SAXO1: variants seen among roughly 807,000 people sequenced by gnomAD.
SAXO1 encodes the protein stabilizer of axonemal microtubules 1, also known as 4930500O09Rik.
Under a neutral mutation model 17.5 loss-of-function variants are expected in SAXO1, and 21 were observed. The ratio of observed to expected loss-of-function variants is 1.20; its 90% CI spans 0.85 to 1.72. The LOEUF (loss-of-function observed/expected upper bound fraction) is 1.72, where lower values mean the gene tolerates loss of function less well. SAXO1 is among the 40% of genes most tolerant of loss of function. SAXO1 has a pLI of 0.00. For missense variants in SAXO1, 843 were observed against 596.0 expected (o/e 1.41, Z -4.32); for synonymous variants, 274 against 216.5 (o/e 1.27, Z -2.33).
chr9:18,955,369 T>C (rs1000404510), intron 1 of SAXO1, among the ~76,000 whole-genome samples: 2 of 152,246 alleles, frequency 1.3e-5, no homozygotes, highest in African/African-American at 2.4e-5. Context: ...AAATCCAGTG[T>C]GTCTTGTACA....
At position 18,928,501 on chromosome 9, in the gene SAXO1, G is replaced by C. The variant is rs551575261; in HGVS notation, c.976C>G (p.Leu326Val). 6.2e-6 allele frequency: 10 copies of C among 1,613,912 alleles called. No individual in the cohort carries two copies. In the East Asian group the frequency reaches 8.9e-5, roughly 14 times the overall value. ...GAPAQSCRPA[L>V]QIKKCGRFEG... ...AAGCGACCGCACTTCTTAATCTGAA[G>C]TGCAGGTCGGCAGGACTGAGCTGGG... Residue 326 changes from leucine (L) to valine (V), a missense_variant, in exon 4 of 4, where the codon CTT becomes GTT. Leu to Val is a conservative substitution (Grantham distance 32). Transcript: ENST00000380534.
intron 1 of SAXO1, among the ~76,000 whole-genome samples, chr9:18,980,787 A>AAG (rs1157462229): frequency 6.7e-6 from 1 of 150,294 alleles, no homozygotes; most frequent in Non-Finnish European, 1.5e-5. Flanking sequence ...AACTGAAAAA[A>AAG]AAAAAAAAAA....
intron 1 of SAXO1, among the ~76,000 whole-genome samples, chr9:18,958,223 A>C (rs1427679544): frequency 6.6e-6 from 1 of 152,296 alleles, no homozygotes; most frequent in South Asian, 2.1e-4. Flanking sequence ...CAGGGGTTCG[A>C]GACTAGCTTG....
chr9:18,934,035 A>C (rs908132250), intron 3 of SAXO1, among the ~76,000 whole-genome samples: 3 of 151,814 alleles, frequency 2.0e-5, no homozygotes, highest in Admixed American at 2.0e-4. Flanking sequence ...TGACAGAGCG[A>C]GACTCCGTCT....
chr9:18,958,615 G>A (rs894278943), intron 1 of SAXO1, among the ~76,000 whole-genome samples: 2 of 151,948 alleles, frequency 1.3e-5, no homozygotes, highest in South Asian at 2.1e-4. Flanking sequence ...TGAGTGCCAC[G>A]CTGGAAGGAT....
chr9:19,016,384 C>T (rs375473822), intron 1 of SAXO1, among the ~76,000 whole-genome samples: 3 of 152,090 alleles, frequency 2.0e-5, no homozygotes, highest in Non-Finnish European at 4.4e-5. Context: ...TGTAGTGAGC[C>T]GAGATTGCGC....
At chr9:19,024,109 C>T (rs958622233) in intron 1 of SAXO1, among the ~76,000 whole-genome samples, 10 of 126,720 alleles carry the variant, frequency 7.9e-5, no homozygotes, top group East Asian at 2.6e-4. Flanking sequence ...TCTTTGCTGG[C>T]GAGTTCACAT....
rs2130967803 is a variant in SAXO1 at position 19,004,407 on chromosome 9, A to G, written c.38+28464T>C. 4.6e-5 allele frequency among the ~76,000 whole-genome samples: 7 copies of G among 152,386 alleles called. No homozygotes were observed. In the South Asian group the frequency reaches 1.4e-3, roughly 32 times the overall value. On this transcript the variant is annotated intron_variant, in intron 1 of 3. Transcript: ENST00000380534. ...TTATAAATCATGCTACTATAAAGAC[A>G]CATGCACATATATGTTTATTGCGGC...
Position 18,928,072 on chromosome 9 carries a change from C to A in SAXO1, c.1405G>T (p.Glu469Ter). 1 of 1,603,686 alleles carries A rather than the reference C, an allele frequency of 6.2e-7. No homozygotes were observed. Among genetic ancestry groups the A allele is most frequent in the Non-Finnish European group, 8.5e-7 (1 of 1,172,338 alleles). The change falls in exon 4 of 4, where the codon GAG becomes TAG. Residue 469 changes from glutamate to a stop codon, truncating the protein, a stop_gained. Transcript: ENST00000380534. LOFTEE classifies it high-confidence loss of function. ...VDDSENPNQR[E>*]LEVLA ...CAAAATCAGGCTAACACTTCCAACT[C>A]CCTCTGGTTGGGGTTTTCTGAATCA... is the stretch of plus-strand genomic sequence containing the variant.
intron 1 of SAXO1, among the ~76,000 whole-genome samples, chr9:19,028,415 T>G (rs1835608050): frequency 6.6e-6 from 1 of 152,190 alleles, no homozygotes. Context: ...GTAGCATTTT[T>G]TCAATAACAG....
chr9:18,961,424 G>A (rs563233667), intron 1 of SAXO1, among the ~76,000 whole-genome samples: 32 of 152,230 alleles, frequency 2.1e-4, no homozygotes, highest in Admixed American at 1.6e-3. Flanking sequence ...GTGCCATGGT[G>A]GTTTGCTGTA....
intron 1 of SAXO1, among the ~76,000 whole-genome samples, chr9:18,997,787 T>C (rs915184403): frequency 6.6e-6 from 1 of 152,154 alleles, no homozygotes; most frequent in East Asian, 1.9e-4. Context: ...GTCAGCAATA[T>C]TTGCTGTTCT....
At chr9:18,954,862 A>G (rs1359889135) in intron 1 of SAXO1, among the ~76,000 whole-genome samples, 2 of 151,950 alleles carry the variant, frequency 1.3e-5, no homozygotes, top group South Asian at 2.1e-4. Context: ...GGATAACAGA[A>G]CTTTAAGAAT....
intron 1 of SAXO1, among the ~76,000 whole-genome samples, chr9:18,998,076 A>G (rs1834086733): frequency 6.6e-6 from 1 of 151,970 alleles, no homozygotes; most frequent in African/African-American, 2.4e-5. Context: ...AAGGAACACA[A>G]CTCCTCACCA....
At chr9:19,016,140 T>C (rs1165654101) in intron 1 of SAXO1, among the ~76,000 whole-genome samples, 1 of 152,104 alleles carries the variant, frequency 6.6e-6, no homozygotes, top group Non-Finnish European at 1.5e-5. Context: ...TGCAAGGCTA[T>C]AAAAGCATAA....
At position 19,019,450 on chromosome 9, in the gene SAXO1, G is replaced by A. The variant is rs568276003; in HGVS notation, c.38+13421C>T. ...GAGTCAGAAAAAGTATACTTCGGCC[G>A]GACAAGGTTGGCTCACACCTGTAAT... On this transcript the variant is annotated intron_variant, in intron 1 of 3. Transcript: ENST00000380534. Among the ~76,000 whole-genome samples the A allele has an allele frequency of 3.4e-4, 52 of 152,024 alleles. No individual in the cohort carries two copies. The South Asian group carries it at 9.8e-3, about 29-fold the overall frequency.
At chr9:18,972,207 A>AT (rs1055726609) in intron 1 of SAXO1, among the ~76,000 whole-genome samples, 1 of 152,180 alleles carries the variant, frequency 6.6e-6, no homozygotes, top group African/African-American at 2.4e-5. Flanking sequence ...CATTCATTCC[A>AT]TTTTTTATTT....
chr9:19,017,352 C>A (rs1309436619), intron 1 of SAXO1, among the ~76,000 whole-genome samples: 1 of 152,156 alleles, frequency 6.6e-6, no homozygotes, highest in East Asian at 1.9e-4. Context: ...ACCTTCATAA[C>A]AAACCTGTAC....
At chr9:18,991,651 CACATGT>C (rs1278745617) in intron 1 of SAXO1, among the ~76,000 whole-genome samples, 1 of 152,158 alleles carries the variant, frequency 6.6e-6, no homozygotes, top group Non-Finnish European at 1.5e-5. Context: ...ACCAACATGG[CACATGT>C]ATACCTATGT....
Sources: gnomAD v4.1 joint callset for allele counts (sites outside exome capture counted in the v4.1 genomes callset) on GRCh38, gnomAD v4.1.1 for gene constraint, MANE v1.5 for transcripts, NCBI Gene and HGNC (gene_info 2026-07-23, HGNC 2026-07-21) for gene names.